The following KCTD18 variants were observed in gnomAD, a reference collection of about 807,000 sequenced individuals.
KCTD18 encodes the protein potassium channel tetramerization domain containing 18, also known as BTB/POZ domain-containing protein KCTD18.
A neutral mutation model predicts 30.4 loss-of-function variants in KCTD18; 22 were observed. The observed-to-expected ratio is 0.72, with a 90% CI of 0.52 to 1.03. The LOEUF (loss-of-function observed/expected upper bound fraction) is 1.03. KCTD18 is among the 50% of genes least tolerant of loss of function. KCTD18 has a pLI of 0.00. For missense variants in KCTD18, 529 were observed against 547.6 expected, an observed-to-expected ratio of 0.97 and a Z score of 0.34; for synonymous variants, 186 against 209.0, an observed-to-expected ratio of 0.89 and a Z score of 0.95.
At chr2:200,499,897 C>T (rs368888800) in intron 3 of KCTD18, among the ~76,000 whole-genome samples, 19 of 148,706 alleles carry the variant, frequency 1.3e-4, no homozygotes, top group African/African-American at 4.4e-4. Flanking sequence ...ACTAGCAAAC[C>T]GAATCCAGCA....
intron 3 of KCTD18, among the ~76,000 whole-genome samples, chr2:200,503,157 T>C (rs2029967388): frequency 6.6e-6 from 1 of 152,214 alleles, no homozygotes; most frequent in African/African-American, 2.4e-5. Context: ...GCTTTACTGC[T>C]GTAAGTACTC....
At chr2:200,493,138 A>T (rs1156731154) in intron 6 of KCTD18, 34 bp downstream of exon 6, 1 of 1,335,156 alleles carries the variant, frequency 7.5e-7, no homozygotes. Context: ...GCGATTAAAA[A>T]AACAAAACAA....
Sources: gnomAD v4.1 joint callset for allele counts (sites outside exome capture counted in the v4.1 genomes callset) on GRCh38, gnomAD v4.1.1 for gene constraint, MANE v1.5 for transcripts, NCBI Gene and HGNC (gene_info 2026-07-23, HGNC 2026-07-21) for gene names.